Variants in GPRASP3 observed in about 807,000 individuals in gnomAD.
GPRASP3 encodes G protein-coupled receptor associated sorting protein family member 3.
chrX:102,742,930 T>C, the GPRASP3 span, among the ~76,000 whole-genome samples: 6 of 111,631 alleles, frequency 5.4e-5, no homozygotes, highest in African/African-American at 2.0e-4. Flanking sequence ...AGATGAGACA[T>C]CAATTAATAC....
the GPRASP3 span, among the ~76,000 whole-genome samples, chrX:102,722,478 C>T: frequency 8.9e-6 from 1 of 112,062 alleles, no homozygotes; most frequent in Non-Finnish European, 1.9e-5. Flanking sequence ...GGTTTCATTA[C>T]ATAGGCGTGA....
At chrX:102,727,338 C>A in the GPRASP3 span, among the ~76,000 whole-genome samples, 1 of 112,130 alleles carries the variant, frequency 8.9e-6, no homozygotes, top group Non-Finnish European at 1.9e-5. Context: ...AAAAGACAAT[C>A]TTTTCTGATG....
chrX:102,721,563 G>A, the GPRASP3 span, among the ~76,000 whole-genome samples: 1 of 111,033 alleles, frequency 9.0e-6, no homozygotes, highest in African/African-American at 3.3e-5. Flanking sequence ...TAGATGCTGT[G>A]GGCCCTTCAC....
chrX:102,731,480 C>T, the GPRASP3 span, among the ~76,000 whole-genome samples: 1 of 110,725 alleles, frequency 9.0e-6, no homozygotes, highest in African/African-American at 3.3e-5. Context: ...AATAAAAAAA[C>T]CCAGCTGGGT....
chrX:102,748,857 A>T, the GPRASP3 span: 1 of 602,146 alleles, frequency 1.7e-6, no homozygotes, highest in Non-Finnish European at 2.5e-6. Flanking sequence ...GAACTTTGTG[A>T]CTGCAGAACT....
the GPRASP3 span, chrX:102,749,965 G>A: frequency 1.7e-6 from 2 of 1,207,506 alleles, no homozygotes; most frequent in Middle Eastern, 2.3e-4. Flanking sequence ...GGATTCTGAG[G>A]AATTTGAAAA....
At chrX:102,731,733 CT>C in the GPRASP3 span, among the ~76,000 whole-genome samples, 1 of 111,820 alleles carries the variant, frequency 8.9e-6, no homozygotes, top group East Asian at 2.8e-4. Context: ...AACTTTGATC[CT>C]AGGATTTTAT....
At chrX:102,738,082 T>A in the GPRASP3 span, among the ~76,000 whole-genome samples, 30 of 111,737 alleles carry the variant, frequency 2.7e-4, no homozygotes, top group Non-Finnish European at 1.7e-4. Flanking sequence ...GGGTTCCAAG[T>A]CTGACTCTTG....
At chrX:102,743,447 T>C in the GPRASP3 span, among the ~76,000 whole-genome samples, 3 of 111,168 alleles carry the variant, frequency 2.7e-5, no homozygotes, top group Non-Finnish European at 3.8e-5. Context: ...GATATCATAG[T>C]AGGGTAGAAT....
At chrX:102,745,919 G>A in the GPRASP3 span, 1 of 111,167 alleles carries the variant, frequency 9.0e-6, no homozygotes, top group Non-Finnish European at 1.9e-5. Context: ...CGGAACTAAG[G>A]TGGGCCTGAG....
the GPRASP3 span, among the ~76,000 whole-genome samples, chrX:102,726,613 C>T: frequency 2.7e-5 from 3 of 111,903 alleles, no homozygotes; most frequent in South Asian, 3.8e-4. Flanking sequence ...CAAGTATCTA[C>T]GACTTTCTAT....
the GPRASP3 span, among the ~76,000 whole-genome samples, chrX:102,740,029 A>G: frequency 8.9e-6 from 1 of 112,270 alleles, no homozygotes; most frequent in African/African-American, 3.2e-5. Flanking sequence ...CACACAGAAA[A>G]CAGAAGAATG....
At chrX:102,734,617 A>C in the GPRASP3 span, among the ~76,000 whole-genome samples, 3,625 of 111,282 alleles carry the variant, frequency 0.033, 158 homozygotes, top group African/African-American at 0.11. Context: ...ACTCTGTCTC[A>C]AAAAAATAAT....
At chrX:102,738,356 G>A in the GPRASP3 span, among the ~76,000 whole-genome samples, 277 of 112,303 alleles carry the variant, frequency 2.5e-3, 2 homozygotes, top group African/African-American at 8.8e-3. Context: ...TGTACCCATG[G>A]TCCCATCTCA....
At chrX:102,732,616 T>C in the GPRASP3 span, among the ~76,000 whole-genome samples, 13 of 112,118 alleles carry the variant, frequency 1.2e-4, no homozygotes, top group Admixed American at 4.7e-4. Flanking sequence ...TTGAAAAATA[T>C]TTTTCTCTCT....
At chrX:102,749,880 T>G in the GPRASP3 span, 12 of 1,206,974 alleles carry the variant, frequency 9.9e-6, no homozygotes, top group Non-Finnish European at 1.2e-5. Context: ...TAGATGAGAT[T>G]AGACGTCAAA....
At chrX:102,738,584 G>A in the GPRASP3 span, among the ~76,000 whole-genome samples, 2 of 110,463 alleles carry the variant, frequency 1.8e-5, no homozygotes, top group East Asian at 2.9e-4. Flanking sequence ...ATCTCATCAC[G>A]ATTACCCACT....
chrX:102,750,124 C>A, the GPRASP3 span: 1 of 1,211,051 alleles, frequency 8.3e-7, no homozygotes, highest in Non-Finnish European at 1.1e-6. Flanking sequence ...GCTCAGTTTT[C>A]CTTCCCCTGA....
chrX:102,737,937 T>C, the GPRASP3 span, among the ~76,000 whole-genome samples: 2 of 110,965 alleles, frequency 1.8e-5, no homozygotes, highest in Admixed American at 1.9e-4. Context: ...CCTTAAGTAA[T>C]ATAAAGGGGT....
Sources: gnomAD v4.1 joint callset for allele counts (sites outside exome capture counted in the v4.1 genomes callset) on GRCh38, gnomAD v4.1.1 for gene constraint, MANE v1.5 for transcripts, NCBI Gene and HGNC (gene_info 2026-07-23, HGNC 2026-07-21) for gene names.